The following AP3B1 variants were observed in gnomAD, a reference collection of about 807,000 sequenced individuals.
AP3B1 encodes adaptor related protein complex 3 subunit beta 1, also known as AP-3 complex subunit beta-1.
In AP3B1, 61 loss-of-function variants were observed where a neutral mutation model predicts 132.5. The ratio of observed to expected loss-of-function variants is 0.46; its 90% confidence interval spans 0.37 to 0.57. The LOEUF is 0.57. Among genes scored for constraint, AP3B1 ranks in the 20% least tolerant of loss-of-function variants. AP3B1 has a pLI of 0.00. For synonymous variants in AP3B1, 388 were observed against 438.3 expected, an observed-to-expected ratio of 0.89 and a Z score of 1.43; for missense variants, 1,120 against 1,289.4, an observed-to-expected ratio of 0.87 and a Z score of 2.01.
chr5:78,003,191 C>T (rs1746255950), intron 26 of AP3B1, 136 bp from the exon 27 acceptor site: 2 of 1,026,762 alleles, frequency 1.9e-6, no homozygotes, highest in Admixed American at 4.9e-5. Context: ...TGCCAAAAAC[C>T]CAAAGCCAAG....
chr5:78,131,432 G>A (rs114637192), intron 15 of AP3B1, among the ~76,000 whole-genome samples: 260 of 152,044 alleles, frequency 1.7e-3, no homozygotes, highest in African/African-American at 5.8e-3. Flanking sequence ...AAATCCTACT[G>A]AATGAAGAAT....
chr5:78,040,272 C>T lies in AP3B1; in HGVS notation c.2578-998G>A, dbSNP rs116718020. Among the ~76,000 whole-genome samples, 465 of 152,202 alleles carry T rather than the reference C, an allele frequency of 3.1e-3. 2 individuals carry two copies. The highest frequency in any genetic ancestry group is 6.8e-3 in the Middle Eastern group (2 of 294). On this transcript the variant is annotated intron_variant, in intron 22 of 26. Coordinates refer to ENST00000255194, the MANE Select transcript of AP3B1 (RefSeq NM_003664.5). The stretch of plus-strand genomic sequence containing the variant: ...TATTTAATTTTCTCCAGATACTGAA[C>T]TAATTGTCCCTACATGAGCTAATGA...
chr5:78,278,408 G>C (rs1255225639), intron 1 of AP3B1, among the ~76,000 whole-genome samples: 1 of 92,044 alleles, frequency 1.1e-5, no homozygotes, highest in African/African-American at 3.0e-5. Flanking sequence ...GACCATCCCG[G>C]CTAAAACGGT....
chr5:78,133,188 C>T (rs1201481709), intron 15 of AP3B1, among the ~76,000 whole-genome samples: 2 of 152,170 alleles, frequency 1.3e-5, no homozygotes, highest in Admixed American at 6.5e-5. Flanking sequence ...GTTAAATACT[C>T]ATCTCTCCAC....
intron 22 of AP3B1, among the ~76,000 whole-genome samples, chr5:78,058,971 A>G (rs1481089922): frequency 6.6e-6 from 1 of 152,216 alleles, no homozygotes; most frequent in Non-Finnish European, 1.5e-5. Context: ...GAGGTGGTAT[A>G]CAGAAAAACA....
At chr5:78,265,304 A>T (rs1159991896) in intron 2 of AP3B1, among the ~76,000 whole-genome samples, 3 of 152,036 alleles carry the variant, frequency 2.0e-5, no homozygotes, top group Non-Finnish European at 4.4e-5. Flanking sequence ...TTAGCTGGGC[A>T]TAGTGGTACA....
intron 1 of AP3B1, among the ~76,000 whole-genome samples, chr5:78,293,202 G>C (rs1749609437): frequency 6.6e-6 from 1 of 152,160 alleles, no homozygotes. Flanking sequence ...AAATCTAAGA[G>C]AAAACATCGT....
chr5:78,141,380 A>T, intron 14 of AP3B1, 61 bp from the exon 15 acceptor site: 1 of 1,395,680 alleles, frequency 7.2e-7, no homozygotes, highest in Non-Finnish European at 1.0e-6. Flanking sequence ...ATATTAACAT[A>T]GAAAAGGTTT....
At chr5:78,214,756 CA>C (rs1249827365) in intron 7 of AP3B1, among the ~76,000 whole-genome samples, 4 of 151,976 alleles carry the variant, frequency 2.6e-5, no homozygotes, top group African/African-American at 7.3e-5. Flanking sequence ...AAAGTGCCAT[CA>C]AAACTGTACT....
intron 20 of AP3B1, among the ~76,000 whole-genome samples, chr5:78,104,694 T>C (rs979893875): frequency 5.9e-5 from 9 of 152,292 alleles, no homozygotes; most frequent in African/African-American, 1.9e-4. Context: ...CCAAATTTAC[T>C]TTATCCCCAA....
intron 9 of AP3B1, among the ~76,000 whole-genome samples, chr5:78,177,002 C>T (rs1332588253): frequency 3.3e-5 from 5 of 152,136 alleles, no homozygotes; most frequent in Non-Finnish European, 7.4e-5. Context: ...TATAGTTTTT[C>T]AGTGATTCCA....
At chr5:78,131,943 A>G (rs919128655) in intron 15 of AP3B1, among the ~76,000 whole-genome samples, 1 of 152,204 alleles carries the variant, frequency 6.6e-6, no homozygotes, top group African/African-American at 2.4e-5. Flanking sequence ...AGAAGACTCA[A>G]TTATCAATAA....
chr5:78,206,580 G>A (rs1363602777), intron 7 of AP3B1, among the ~76,000 whole-genome samples: 4 of 152,058 alleles, frequency 2.6e-5, no homozygotes, highest in Non-Finnish European at 4.4e-5. Flanking sequence ...ATATGTAAGT[G>A]TCAAAAGCAT....
At position 78,233,692 on chromosome 5, in the gene AP3B1, CATCT is replaced by C. The variant is rs1746755085; in HGVS notation, c.280-5457_280-5454del. Reference sequence around the variant, plus strand: ...TAGAATTTAAATGTGTAAGGCCCTACATCTACATTATATTACTCGTTTAATTCTC... The same window carrying C: ...TAGAATTTAAATGTGTAAGGCCCTACACATTATATTACTCGTTTAATTCTC... On this transcript the variant is annotated intron_variant, in intron 3 of 26. Transcript: ENST00000255194. Among the ~76,000 whole-genome samples the C allele has an allele frequency of 3.3e-5, 5 of 152,340 alleles. 1 individual carries two copies. The South Asian group carries it at 1.0e-3, about 32-fold the overall frequency.
chr5:78,168,084 T>C (rs991669474), intron 11 of AP3B1, among the ~76,000 whole-genome samples: 10 of 151,510 alleles, frequency 6.6e-5, no homozygotes, highest in African/African-American at 2.4e-4. Flanking sequence ...GCAAAGACTG[T>C]AGGAGGAGTT....
At chr5:78,091,742 G>A (rs1750526565) in intron 21 of AP3B1, among the ~76,000 whole-genome samples, 1 of 152,174 alleles carries the variant, frequency 6.6e-6, no homozygotes, top group Non-Finnish European at 1.5e-5. Flanking sequence ...AGACCAAGGG[G>A]AACAGTCAAA....
chr5:78,156,339 A>C lies in AP3B1; in HGVS notation c.1392T>G (p.Val464=), dbSNP rs886060774. 6.2e-7 allele frequency: 1 copy of C among 1,613,394 alleles called. No homozygotes were observed. Among genetic ancestry groups the C allele is most frequent in the Non-Finnish European group, 8.5e-7 (1 of 1,179,572 alleles). Residue 464 remains valine (V), a synonymous_variant, in exon 14 of 27, where the codon GTT becomes GTG. Transcript: ENST00000255194. ...DEIVVAESVV[V]IKKLLQMQPA... ...GTTGCATTTGCAGTAATTTCTTTAT[A>C]ACAACCACACTTTCAGCAACAACTA...
At chr5:78,012,196 A>C (rs1045613469) in intron 26 of AP3B1, among the ~76,000 whole-genome samples, 2 of 151,860 alleles carry the variant, frequency 1.3e-5, no homozygotes, top group African/African-American at 4.8e-5. Flanking sequence ...AAATGTATTA[A>C]TTCCATGGAG....
At chr5:78,065,103 G>A (rs1277811633) in intron 22 of AP3B1, among the ~76,000 whole-genome samples, 1 of 152,154 alleles carries the variant, frequency 6.6e-6, no homozygotes, top group East Asian at 1.9e-4. Flanking sequence ...GGGGCAAGAG[G>A]AGCTTCCACC....
Sources: gnomAD v4.1 joint callset for allele counts (sites outside exome capture counted in the v4.1 genomes callset) on GRCh38, gnomAD v4.1.1 for gene constraint, MANE v1.5 for transcripts, NCBI Gene and HGNC (gene_info 2026-07-23, HGNC 2026-07-21) for gene names.